The following CADM2 variants were observed in gnomAD, a reference collection of about 807,000 sequenced individuals.
The protein encoded by CADM2 is cell adhesion molecule 2.
In CADM2, 12 loss-of-function variants were observed where a neutral mutation model predicts 49.8. The ratio of observed to expected loss-of-function variants is 0.24; its 90% CI spans 0.15 to 0.39. The LOEUF (loss-of-function observed/expected upper bound fraction) is 0.39, where lower values mean the gene tolerates loss of function less well. Ranked by LOEUF, CADM2 falls within the 10% of genes least tolerant of loss-of-function variation. CADM2 has a pLI of 1.00. For missense variants in CADM2, 378 were observed against 492.3 expected, an observed-to-expected ratio of 0.77 and a Z score of 2.20; for synonymous variants, 214 against 175.4, an observed-to-expected ratio of 1.22 and a Z score of -1.74.
chr3:85,610,776 T>C (rs1377766772), intron 1 of CADM2, among the ~76,000 whole-genome samples: 3 of 152,002 alleles, frequency 2.0e-5, no homozygotes, highest in Non-Finnish European at 4.4e-5. Flanking sequence ...TAAGGTGACA[T>C]ATCAAAAAAT....
chr3:85,088,071 A>C (rs935614726), intron 1 of CADM2, among the ~76,000 whole-genome samples: 1 of 152,212 alleles, frequency 6.6e-6, no homozygotes, highest in African/African-American at 2.4e-5. Flanking sequence ...GACTGAATAG[A>C]TGAAACAGAA....
rs1327645561 is a variant in CADM2, at chr3:86,072,839, A to G, written c.*6056A>G. 1.3e-5 allele frequency: 2 copies of G among 152,058 alleles called. No individual in the cohort carries two copies. Among genetic ancestry groups the G allele is most frequent in the Admixed American group, 1.3e-4 (2 of 15,242 alleles). 9.4% of individuals were successfully genotyped at this position (152,058 alleles called of 1,614,324 possible). On this transcript the variant is annotated 3_prime_UTR_variant, in exon 10 of 10. Coordinates refer to ENST00000383699, the MANE Select transcript of CADM2 (RefSeq NM_001167675.2). ...TTGCTTTTCTCTGTGTTTTTAATGT[A>G]TGGAATAAATCTCATAAATAGAAAG...
At chr3:85,655,772 G>A (rs7643534) in intron 1 of CADM2, among the ~76,000 whole-genome samples, 31,569 of 152,034 alleles carry the variant, frequency 0.21, 3,735 homozygotes, top group East Asian at 0.53. Flanking sequence ...CCAGAAAAGT[G>A]ATTGTTAAAA....
intron 1 of CADM2, among the ~76,000 whole-genome samples, chr3:85,559,381 A>T (rs1195771597): frequency 2.6e-5 from 4 of 152,044 alleles, no homozygotes; most frequent in Non-Finnish European, 5.9e-5. Flanking sequence ...TTCCTATTCA[A>T]TATCTTAATG....
chr3:85,728,797 G>C (rs986890624), intron 2 of CADM2, among the ~76,000 whole-genome samples: 1 of 152,046 alleles, frequency 6.6e-6, no homozygotes, highest in Non-Finnish European at 1.5e-5. Context: ...ACCATAAACT[G>C]GTCATTTTGA....
intron 1 of CADM2, among the ~76,000 whole-genome samples, chr3:85,068,573 A>G (rs776205929): frequency 3.9e-5 from 6 of 152,156 alleles, no homozygotes; most frequent in Non-Finnish European, 5.9e-5. Flanking sequence ...ATGCTCACCA[A>G]TAAGTTCTCC....
chr3:86,027,353 G>A lies in CADM2; in HGVS notation c.971-38252G>A, dbSNP rs142664090. 8.3e-3 allele frequency among the ~76,000 whole-genome samples: 1,267 copies of A among 152,202 alleles called. 19 individuals are homozygous for A. Among genetic ancestry groups the A allele is most frequent in the African/African-American group, 0.027 (1,115 of 41,534 alleles). On this transcript the variant is annotated intron_variant, in intron 8 of 9. Transcript: ENST00000383699. Reference sequence around the variant, plus strand: ...CAAAAGTATTTTCCCATTATGTAATGTTATTTATAAACCAAACTGAGGAAA... The same window carrying A: ...CAAAAGTATTTTCCCATTATGTAATATTATTTATAAACCAAACTGAGGAAA...
At chr3:86,061,996 G>GA (rs397945591) in intron 8 of CADM2, among the ~76,000 whole-genome samples, 94 of 148,874 alleles carry the variant, frequency 6.3e-4, no homozygotes, top group African/African-American at 2.3e-3. Context: ...TGGGGGGGGG[G>GA]TTGAATTTGT....
At chr3:85,885,273 T>C (rs1032113961) in intron 4 of CADM2, among the ~76,000 whole-genome samples, 1 of 148,084 alleles carries the variant, frequency 6.8e-6, no homozygotes, top group Admixed American at 6.7e-5. Context: ...ACGGTGGCTC[T>C]TGCCTGTAAT....
At chr3:85,481,229 G>GATTATAT (rs2039195988) in intron 1 of CADM2, among the ~76,000 whole-genome samples, 1 of 144,950 alleles carries the variant, frequency 6.9e-6, no homozygotes, top group Non-Finnish European at 1.5e-5. Context: ...ATATATATTG[G>GATTATAT]ATATATATAT....
intron 2 of CADM2, among the ~76,000 whole-genome samples, chr3:85,728,711 G>T (rs995250458): frequency 2.6e-5 from 4 of 152,178 alleles, no homozygotes; most frequent in Admixed American, 1.3e-4. Flanking sequence ...TCACGCAAAT[G>T]TGGAAAGTTT....
At chr3:85,052,899 T>C (rs1380015539) in intron 1 of CADM2, among the ~76,000 whole-genome samples, 1 of 152,064 alleles carries the variant, frequency 6.6e-6, no homozygotes, top group Admixed American at 6.6e-5. Flanking sequence ...TGACAAATTT[T>C]CTTGTTTGTT....
intron 1 of CADM2, among the ~76,000 whole-genome samples, chr3:85,205,510 G>A (rs940881203): frequency 4.0e-5 from 6 of 151,802 alleles, no homozygotes; most frequent in East Asian, 1.9e-4. Context: ...TTTTTACATC[G>A]AGATAGATAC....
chr3:85,375,691 G>T (rs2107335911), intron 1 of CADM2, among the ~76,000 whole-genome samples: 1 of 152,174 alleles, frequency 6.6e-6, no homozygotes, highest in Admixed American at 6.5e-5. Flanking sequence ...CAGTTCAACT[G>T]ATTTCTTGTG....
At chr3:85,347,784 G>T (rs9810478) in intron 1 of CADM2, among the ~76,000 whole-genome samples, 30,564 of 150,146 alleles carry the variant, frequency 0.2, 4,848 homozygotes, top group African/African-American at 0.44. Context: ...TGAGATTACA[G>T]GCATGAGCCA....
At chr3:85,653,666 C>G (rs1383629737) in intron 1 of CADM2, among the ~76,000 whole-genome samples, 1 of 151,952 alleles carries the variant, frequency 6.6e-6, no homozygotes, top group Non-Finnish European at 1.5e-5. Context: ...GGGAATGGGT[C>G]ATTACTGGAG....
chr3:85,277,389 T>G (rs1576264938), intron 1 of CADM2, among the ~76,000 whole-genome samples: 1 of 151,350 alleles, frequency 6.6e-6, no homozygotes, highest in African/African-American at 2.4e-5. Flanking sequence ...GCTCTTTAGC[T>G]TTCTATTTTT....
chr3:86,035,518 A>G (rs563161386), intron 8 of CADM2, among the ~76,000 whole-genome samples: 11 of 152,216 alleles, frequency 7.2e-5, no homozygotes, highest in Non-Finnish European at 1.6e-4. Flanking sequence ...AATGTTTTAA[A>G]TAAGAACGCA....
intron 6 of CADM2, among the ~76,000 whole-genome samples, chr3:85,930,527 A>G (rs1720454641): frequency 6.6e-6 from 1 of 152,106 alleles, no homozygotes; most frequent in Non-Finnish European, 1.5e-5. Context: ...TCCTTGTGCT[A>G]TCAAATAGTA....
Sources: allele counts gnomAD v4.1 joint callset (sites outside exome capture counted in the v4.1 genomes callset), GRCh38; gene constraint gnomAD v4.1.1; transcripts MANE v1.5; gene names NCBI Gene and HGNC (gene_info 2026-07-23, HGNC 2026-07-21).